The following RAB8B variants were observed in gnomAD, a reference collection of about 807,000 sequenced individuals.
The protein encoded by RAB8B is ras-related protein Rab-8B.
A neutral mutation model predicts 32.0 loss-of-function variants in RAB8B; 11 were observed. The ratio of observed to expected loss-of-function variants is 0.34; its 90% CI spans 0.22 to 0.57. The LOEUF is 0.57. Among genes scored for constraint, RAB8B ranks in the 20% least tolerant of loss-of-function variants. The pLI, the probability that RAB8B is intolerant of heterozygous loss-of-function variation, is 0.86. For missense variants in RAB8B, 190 were observed against 258.5 expected (o/e 0.73, Z 1.82); for synonymous variants, 103 against 89.6 (o/e 1.15, Z -0.85).
At chr15:63,221,132 A>G (rs1294143474) in intron 1 of RAB8B, among the ~76,000 whole-genome samples, 1 of 152,194 alleles carries the variant, frequency 6.6e-6, no homozygotes, top group Non-Finnish European at 1.5e-5. Context: ...GTTCCAGACA[A>G]TGGGGAGATC....
chr15:63,249,624 C>G, intron 2 of RAB8B, 21 bp from the exon 3 acceptor site: 1 of 1,612,398 alleles, frequency 6.2e-7, no homozygotes, highest in Non-Finnish European at 8.5e-7. Context: ...AAAAACCACT[C>G]TCCTTTGTTT....
chr15:63,249,381 G>A (rs1166788874), intron 2 of RAB8B, among the ~76,000 whole-genome samples: 1 of 152,068 alleles, frequency 6.6e-6, no homozygotes, highest in Admixed American at 6.5e-5. Flanking sequence ...TTCCTAGCAG[G>A]ATTTTTCTGT....
Position 63,267,057 on chromosome 15 carries a change from A to AGG in RAB8B, c.*3443_*3444dup, listed in dbSNP as rs1267170115. The AGG allele has an allele frequency of 6.6e-6, 1 of 152,442 alleles. No homozygotes were observed. Among genetic ancestry groups the AGG allele is most frequent in the African/African-American group, 2.4e-5 (1 of 41,394 alleles). 9.4% of individuals were successfully genotyped at this position (152,442 alleles called of 1,614,324 possible). A position where few individuals can be genotyped will look rare whatever the true frequency, so the allele number is the denominator to read the frequency against. On this transcript the variant is annotated 3_prime_UTR_variant, in exon 8 of 8. Transcript: ENST00000321437. ...CATTCCTTTTTCCTTGTTACATCCA[A>AGG]GGGGGGCACAGGGGTGGGTGGAAAG...
intron 5 of RAB8B, among the ~76,000 whole-genome samples, chr15:63,257,604 C>CCTAA (rs1262297087): frequency 6.6e-6 from 1 of 152,082 alleles, no homozygotes; most frequent in Non-Finnish European, 1.5e-5. Context: ...ACTTTTGCTG[C>CCTAA]AAACTTTTTT....
At chr15:63,255,630 G>A (rs2038153064) in intron 4 of RAB8B, 46 bp downstream of exon 4, 2 of 1,484,092 alleles carry the variant, frequency 1.3e-6, no homozygotes, top group Non-Finnish European at 9.4e-7. Context: ...AGTCCTGCTG[G>A]GTGCTTGTAA....
chr15:63,249,049 ATGT>A (rs2038093831), intron 2 of RAB8B, among the ~76,000 whole-genome samples: 1 of 152,190 alleles, frequency 6.6e-6, no homozygotes, highest in Admixed American at 6.5e-5. Context: ...TAGTTTTGAC[ATGT>A]TGTTTATGTT....
intron 3 of RAB8B, chr15:63,251,251 G>A: frequency 2.2e-6 from 1 of 455,950 alleles, no homozygotes; most frequent in Non-Finnish European, 4.4e-6. Context: ...GTGCCAGGAA[G>A]ACATTTGTTT....
At chr15:63,197,712 A>C (rs1595732409) in intron 1 of RAB8B, among the ~76,000 whole-genome samples, 1 of 152,194 alleles carries the variant, frequency 6.6e-6, no homozygotes, top group Admixed American at 6.5e-5. Flanking sequence ...ATGTTGGCAT[A>C]GTATGTTGAG....
intron 3 of RAB8B, among the ~76,000 whole-genome samples, chr15:63,252,691 A>G (rs981552030): frequency 2.6e-5 from 4 of 152,160 alleles, no homozygotes; most frequent in African/African-American, 9.7e-5. Context: ...GGTAAAATAT[A>G]CATAATAGAA....
chr15:63,259,586 G>C lies in RAB8B; in HGVS notation c.415-41G>C. 6.5e-7 allele frequency: 1 copy of C among 1,542,224 alleles called. No individual in the cohort carries two copies. Among genetic ancestry groups the C allele is most frequent in the Non-Finnish European group, 9.0e-7 (1 of 1,115,720 alleles). On this transcript the variant is annotated intron_variant, in intron 5 of 7. Coordinates refer to ENST00000321437, the MANE Select transcript of RAB8B (RefSeq NM_016530.3). This position sits in a 1 kb window ranked among gnomAD's most constrained non-coding sequence, Gnocchi z 4.4. ...AAATACAAATGCATTATGTGTTCAA[G>C]TATCTTTTGCTAAATTTAAATATTT...
chr15:63,199,169 G>A (rs1210303532), intron 1 of RAB8B, among the ~76,000 whole-genome samples: 1 of 152,176 alleles, frequency 6.6e-6, no homozygotes, highest in Non-Finnish European at 1.5e-5. Flanking sequence ...TTAGAGAGAG[G>A]GGATTGGGTT....
chr15:63,226,572 T>A (rs1445052457), intron 1 of RAB8B, among the ~76,000 whole-genome samples: 1 of 152,222 alleles, frequency 6.6e-6, no homozygotes, highest in Non-Finnish European at 1.5e-5. Context: ...ATCTGCCGTC[T>A]ATGGTTGTGA....
chr15:63,249,835 C>T, intron 3 of RAB8B, 130 bp downstream of exon 3: 4 of 1,045,236 alleles, frequency 3.8e-6, no homozygotes, highest in South Asian at 3.1e-5. Context: ...GGAAACAAGA[C>T]ATTTAAAAGG....
chr15:63,237,912 A>G (rs533732756), intron 1 of RAB8B, among the ~76,000 whole-genome samples: 3 of 152,186 alleles, frequency 2.0e-5, no homozygotes, highest in South Asian at 2.1e-4. Flanking sequence ...ATTTTTGTAT[A>G]TGGCAAGAGG....
chr15:63,255,599 A>G lies in RAB8B; in HGVS notation c.324+15A>G. On this transcript the variant is annotated intron_variant, in intron 4 of 7. Transcript: ENST00000321437. ...ACATTGAAGAGGTATGTGTGGAAAG[A>G]GAATGGTGACATTGGAGAAGAGTCC... 6.4e-7 allele frequency: 1 copy of G among 1,567,968 alleles called. No homozygotes were observed. Among genetic ancestry groups the G allele is most frequent in the Non-Finnish European group, 8.8e-7 (1 of 1,138,092 alleles).
At chr15:63,194,464 A>G (rs2141105103) in intron 1 of RAB8B, among the ~76,000 whole-genome samples, 2 of 152,370 alleles carry the variant, frequency 1.3e-5, no homozygotes, top group Non-Finnish European at 1.5e-5. Flanking sequence ...AGCAAATGTT[A>G]CTACAATGAC....
chr15:63,222,333 G>A (rs1252050031), intron 1 of RAB8B, among the ~76,000 whole-genome samples: 3 of 152,132 alleles, frequency 2.0e-5, no homozygotes, highest in Non-Finnish European at 4.4e-5. Context: ...CTCCGGCTTA[G>A]GGGTGGTAGT....
intron 1 of RAB8B, among the ~76,000 whole-genome samples, chr15:63,205,661 G>C (rs1172285245): frequency 6.6e-6 from 1 of 152,198 alleles, no homozygotes; most frequent in East Asian, 1.9e-4. Flanking sequence ...AAACGTGTCA[G>C]GTTCATAAGA....
chr15:63,194,363 T>C (rs191482091), intron 1 of RAB8B, among the ~76,000 whole-genome samples: 14 of 152,314 alleles, frequency 9.2e-5, no homozygotes, highest in Non-Finnish European at 1.8e-4. Context: ...CATCACCTTT[T>C]CCAGGGAAGA....
Sources: gnomAD v4.1 joint callset for allele counts (sites outside exome capture counted in the v4.1 genomes callset) on GRCh38, gnomAD v4.1.1 for gene constraint, Gnocchi (gnomAD v3.1) non-coding constraint, MANE v1.5 for transcripts, NCBI Gene and HGNC (gene_info 2026-07-23, HGNC 2026-07-21) for gene names.